RGS3: variants seen among roughly 807,000 people sequenced by gnomAD.
RGS3 encodes regulator of G protein signaling 3, also known as regulator of G-protein signalling 3.
In RGS3, 80 loss-of-function variants were observed where a neutral mutation model predicts 132.6. The observed-to-expected ratio is 0.60, with a 90% CI of 0.50 to 0.73. The LOEUF (loss-of-function observed/expected upper bound fraction) is 0.73. Among genes scored for constraint, RGS3 ranks in the 30% least tolerant of loss-of-function variants. The pLI is 0.00. For missense variants in RGS3, 1,382 were observed against 1,530.8 expected, an observed-to-expected ratio of 0.90 and a Z score of 1.62; for synonymous variants, 598 against 620.6, an observed-to-expected ratio of 0.96 and a Z score of 0.54.
intron 15 of RGS3, among the ~76,000 whole-genome samples, chr9:113,516,311 A>G (rs1033667031): frequency 6.6e-6 from 1 of 150,938 alleles, no homozygotes; most frequent in Non-Finnish European, 1.5e-5. Flanking sequence ...CTTTCTTAGC[A>G]TGTGACACAA....
At chr9:113,445,298 A>G (rs1323618604) in intron 1 of RGS3, among the ~76,000 whole-genome samples, 2 of 151,846 alleles carry the variant, frequency 1.3e-5, no homozygotes, top group Non-Finnish European at 1.5e-5. Context: ...CCCGGGTTCA[A>G]GCGATTCTCC....
intron 19 of RGS3, among the ~76,000 whole-genome samples, chr9:113,538,053 T>G (rs1832752214): frequency 6.6e-6 from 1 of 152,240 alleles, no homozygotes; most frequent in East Asian, 1.9e-4. Flanking sequence ...CAGTGGGAAC[T>G]TGGGCAAGTC....
rs1831202822 is a variant in RGS3 at position 113,507,764 on chromosome 9, G to A, written c.1437+126G>A. 1 of 756,802 alleles carries A rather than the reference G, an allele frequency of 1.3e-6. No individual in the cohort carries two copies. The highest frequency in any genetic ancestry group is 2.0e-6 in the Non-Finnish European group (1 of 490,172). The allele number at this position is 756,802 out of a possible 1,614,324, so 46.9% of individuals were successfully genotyped here. A position where few individuals can be genotyped will look rare whatever the true frequency, so the allele number is the denominator to read the frequency against. ...GGCTGCGATGTTGGGCAAGGAGATGGGGTATGTGCTAGCTCTGCCTTCTGC... is the reference window on the plus strand; with the variant it reads ...GGCTGCGATGTTGGGCAAGGAGATGAGGTATGTGCTAGCTCTGCCTTCTGC... On this transcript the variant is annotated intron_variant, in intron 13 of 24. Transcript: ENST00000350696. This position sits in a 1 kb window ranked among gnomAD's most constrained non-coding sequence, Gnocchi z 5.0.
chr9:113,513,850 C>T (rs1231529566), intron 14 of RGS3, among the ~76,000 whole-genome samples: 1 of 152,168 alleles, frequency 6.6e-6, no homozygotes, highest in African/African-American at 2.4e-5. Context: ...GGGAGGACTC[C>T]AGTACATCCT....
chr9:113,590,415 C>CCCAT (rs1186474571), intron 20 of RGS3, among the ~76,000 whole-genome samples: 1 of 123,782 alleles, frequency 8.1e-6, no homozygotes, highest in Non-Finnish European at 1.7e-5. Flanking sequence ...CACCCACCCA[C>CCCAT]CCATCCATCT....
rs539669812 is a variant in RGS3 at position 113,579,527 on chromosome 9, G to A, written c.2038-3923G>A. ...AAAGACACAGACCCCCACCTTGGGA[G>A]GGTGGGGCAGTGGCTTCCAGCACTC... On this transcript the variant is annotated intron_variant, in intron 19 of 24. Coordinates refer to ENST00000350696, the Ensembl canonical transcript of RGS3. This position sits in a 1 kb window ranked among gnomAD's most constrained non-coding sequence, Gnocchi z 4.3. 6.6e-6 allele frequency among the ~76,000 whole-genome samples: 1 copy of A among 152,336 alleles called. No homozygotes were observed. The highest frequency in any genetic ancestry group is 1.9e-4 in the East Asian group (1 of 5,180).
intron 1 of RGS3, among the ~76,000 whole-genome samples, chr9:113,451,778 G>A (rs12338788): frequency 0.16 from 24,096 of 151,566 alleles, 2,044 homozygotes; most frequent in African/African-American, 0.2. Context: ...ATACCCATGT[G>A]GTTAGCATTT....
At chr9:113,576,687 G>C (rs1352544259) in intron 19 of RGS3, among the ~76,000 whole-genome samples, 2 of 152,230 alleles carry the variant, frequency 1.3e-5, no homozygotes, top group Non-Finnish European at 1.5e-5. Context: ...GGTCAGACGT[G>C]AGGCTACAGG....
intron 1 of RGS3, among the ~76,000 whole-genome samples, chr9:113,445,608 T>C (rs1308611044): frequency 6.6e-6 from 1 of 152,214 alleles, no homozygotes; most frequent in African/African-American, 2.4e-5. Context: ...AGGCCCATAC[T>C]CAGAGCCAGC....
rs1831148144 is a variant in RGS3 at position 113,506,714 on chromosome 9, T to A, written c.1085+221T>A. Among the ~76,000 whole-genome samples the A allele has an allele frequency of 1.3e-5, 2 of 152,236 alleles. No individual in the cohort carries two copies. The highest frequency in any genetic ancestry group is 4.1e-4 in the South Asian group (2 of 4,824). ...ATTCCAGAGCAAACAGCAGGGAAGA[T>A]GCTCTCAGACTCTGTGGTTCAGGAC... On this transcript the variant is annotated intron_variant, in intron 12 of 24. Coordinates refer to ENST00000350696, the Ensembl canonical transcript of RGS3. The surrounding 1 kb of genome is among the most constrained non-coding windows in gnomAD (Gnocchi z 4.7).
chr9:113,514,786 A>C (rs1831570726), intron 15 of RGS3, 132 bp downstream of exon 13: 4 of 790,170 alleles, frequency 5.1e-6, no homozygotes, highest in Admixed American at 5.6e-5. Flanking sequence ...AAGTAGCTTT[A>C]GATGCATAGG....
In RGS3 at chr9:113,565,606, C is replaced by T. The variant is rs1174638113; in HGVS notation, c.2038-17844C>T. 2 of 255,170 alleles carry T rather than the reference C, an allele frequency of 7.8e-6. No individual in the cohort carries two copies. Among genetic ancestry groups the T allele is most frequent in the African/African-American group, 2.3e-5 (1 of 43,946 alleles). 15.8% of individuals were successfully genotyped at this position (255,170 alleles called of 1,614,324 possible). A position where few individuals can be genotyped will look rare whatever the true frequency, so the allele number is the denominator to read the frequency against. On this transcript the variant is annotated intron_variant, in intron 19 of 24. Coordinates refer to ENST00000350696, the Ensembl canonical transcript of RGS3. The surrounding 1 kb of genome is among the most constrained non-coding windows in gnomAD (Gnocchi z 5.7). ...GTCTGGGGAAGGCAGCCGCTTGACACGGCCGCCAGGAGCTGCCACAGCCAC... is the reference window on the plus strand; with the variant it reads ...GTCTGGGGAAGGCAGCCGCTTGACATGGCCGCCAGGAGCTGCCACAGCCAC...
intron 14 of RGS3, among the ~76,000 whole-genome samples, chr9:113,513,057 G>A (rs1346905166): frequency 2.6e-5 from 4 of 152,088 alleles, no homozygotes; most frequent in East Asian, 1.9e-4. Flanking sequence ...TTAGCCGGGC[G>A]TGGTGGTGCA....
chr9:113,503,325 A>G (rs963924944), intron 10 of RGS3: 1 of 152,340 alleles, frequency 6.6e-6, no homozygotes, highest in Admixed American at 6.5e-5. Flanking sequence ...GGCTGCAGGG[A>G]TGGTCAGGTT....
At chr9:113,594,166 G>A in intron 21 of RGS3, 1 of 1,613,084 alleles carries the variant, frequency 6.2e-7, no homozygotes, top group East Asian at 2.2e-5. Context: ...GTGTGTGGCT[G>A]CAGCCTGCAC....
intron 3 of RGS3, among the ~76,000 whole-genome samples, chr9:113,473,919 A>G (rs150253577): frequency 1.3e-5 from 2 of 152,306 alleles, no homozygotes; most frequent in African/African-American, 4.8e-5. Context: ...TGAATCCTGT[A>G]GGATGTTTGG....
At chr9:113,544,302 T>A (rs1212500373) in intron 19 of RGS3, among the ~76,000 whole-genome samples, 2 of 151,388 alleles carry the variant, frequency 1.3e-5, no homozygotes, top group Admixed American at 1.3e-4. Context: ...TTTTCATGTT[T>A]TTTTTTTTTT....
intron 19 of RGS3, chr9:113,541,249 G>T (rs1380147430): frequency 2.0e-6 from 3 of 1,521,102 alleles, no homozygotes; most frequent in Non-Finnish European, 2.7e-6. Context: ...AGGAACAGAG[G>T]CAGGTCCTGC....
chr9:113,479,407 C>G (rs1830090265), intron 3 of RGS3, 84 bp from the exon 2 acceptor site: 4 of 1,325,554 alleles, frequency 3.0e-6, no homozygotes, highest in Non-Finnish European at 4.4e-6. Flanking sequence ...AACAAAAGAG[C>G]ATTTCTGTCA....
Sources: allele counts gnomAD v4.1 joint callset (sites outside exome capture counted in the v4.1 genomes callset), GRCh38; gene constraint gnomAD v4.1.1; non-coding constraint Gnocchi (gnomAD v3.1); transcripts MANE v1.5; gene names NCBI Gene and HGNC (gene_info 2026-07-23, HGNC 2026-07-21).